MRM2: variants seen among roughly 807,000 people sequenced by gnomAD.
The protein encoded by MRM2 is mitochondrial rRNA methyltransferase 2.
In MRM2, 15 loss-of-function variants were observed where a neutral mutation model predicts 10.9. The observed-to-expected ratio is 1.37, with a 90% CI of 0.92 to 2.11. The LOEUF is 2.11. Among genes scored for constraint, MRM2 ranks in the 30% most tolerant of loss-of-function variants. The pLI is 0.00. For missense variants in MRM2, 328 were observed against 321.3 expected (o/e 1.02, Z -0.16); for synonymous variants, 139 against 128.7 (o/e 1.08, Z -0.54).
At position 2,240,078 on chromosome 7, in the gene MRM2, C is replaced by T. The variant is rs184117124; in HGVS notation, c.9-371G>A. ...TCTCTACTAAAATGCAAAAATTAGC[C>T]TGGCGTGGTGGCAGATGCCTATAAA... On this transcript the variant is annotated intron_variant, in intron 1 of 2. Transcript: ENST00000242257. Among the ~76,000 whole-genome samples the T allele has an allele frequency of 7.9e-5, 12 of 152,198 alleles. 1 individual carries two copies. Among genetic ancestry groups the T allele is most frequent in the African/African-American group, 2.2e-4 (9 of 41,552 alleles).
At position 2,235,532 on chromosome 7, in the gene MRM2, C is replaced by T; in HGVS notation, c.331G>A (p.Val111Ile). ...AGGGGGAATATGTGAAGAAGATCTA[C>T]CCCAAGCACGAAGCCAACAGGAGAG... Reference protein sequence around the residue: ...PSSPVGFVLGVDLLHIFPLEG... With the variant: ...PSSPVGFVLGIDLLHIFPLEG... The change falls in exon 3 of 3, where the codon GTA (valine) becomes ATA (isoleucine). Residue 111 changes from valine to isoleucine, a missense_variant. By Grantham distance (29) the Val-to-Ile change is conservative. Coordinates refer to ENST00000242257, the MANE Select transcript of MRM2 (RefSeq NM_013393.3). The T allele has an allele frequency of 1.2e-6, 2 of 1,612,708 alleles. No individual in the cohort carries two copies. The highest frequency in any genetic ancestry group is 1.7e-6 in the Non-Finnish European group (2 of 1,179,292).
intron 1 of MRM2, chr7:2,241,895 C>A (rs1794551635): frequency 6.9e-6 from 3 of 434,030 alleles, no homozygotes; most frequent in South Asian, 8.9e-5. Flanking sequence ...TGGATCTGGG[C>A]CCCGGCGCTG....
chr7:2,238,946 G>GA lies in MRM2; in HGVS notation c.298+471_298+472insT, dbSNP rs538097093. On this transcript the variant is annotated intron_variant, in intron 2 of 2. Transcript: ENST00000242257. ...CAAGAGTGAGACTCCATCTGGAGGG[G>GA]GGGGAAGAACAAAAATAATAACAAT... 122 of 192,464 alleles carry GA rather than the reference G, an allele frequency of 6.3e-4. 5 individuals are homozygous for GA. The South Asian group carries it at 0.012, about 19-fold the overall frequency. The allele number at this position is 192,464 out of a possible 1,614,324, so 11.9% of individuals were successfully genotyped here.
At chr7:2,237,027 TTG>T (rs368118478) in intron 2 of MRM2, among the ~76,000 whole-genome samples, 4 of 151,782 alleles carry the variant, frequency 2.6e-5, no homozygotes, top group African/African-American at 9.7e-5. Context: ...TTGTGTGTCT[TTG>T]TGTGTGTGTG....
intron 2 of MRM2, among the ~76,000 whole-genome samples, chr7:2,236,659 C>T (rs1472265877): frequency 1.3e-5 from 2 of 152,222 alleles, no homozygotes; most frequent in South Asian, 2.1e-4. Flanking sequence ...CTTCAAAATA[C>T]CTGGACTTCC....
In MRM2 at chr7:2,239,552, C is replaced by A. The variant is rs376300149; in HGVS notation, c.164G>T (p.Arg55Leu). 21 of 1,613,910 alleles carry A rather than the reference C, an allele frequency of 1.3e-5. No individual in the cohort carries two copies. The African/African-American group carries it at 2.8e-4, about 22-fold the overall frequency. Residue 55 changes from arginine (R) to leucine (L), a missense_variant, in exon 2 of 3, where the codon CGA (arginine) becomes CTA (leucine). Arg to Leu is a moderately radical substitution (Grantham distance 102). Transcript: ENST00000242257. ...CACCTCCAGGAGCTTGAAGGCGCTT[C>A]GACACCGGTAACTCTCCACCTTCGC... Reference protein sequence around the residue: ...KAAKVESYRCRSAFKLLEVNE... With the variant: ...KAAKVESYRCLSAFKLLEVNE...
intron 1 of MRM2, chr7:2,240,227 A>G: frequency 2.2e-6 from 1 of 453,008 alleles, no homozygotes; most frequent in Non-Finnish European, 4.4e-6. Context: ...GTCTCAAACA[A>G]TAACTAAATA....
chr7:2,236,131 A>G (rs1273567208), intron 2 of MRM2, among the ~76,000 whole-genome samples: 1 of 152,106 alleles, frequency 6.6e-6, no homozygotes, highest in African/African-American at 2.4e-5. Flanking sequence ...TCGGGAGGCT[A>G]AGATAGGAGA....
chr7:2,235,350 G>C lies in MRM2; in HGVS notation c.513C>G (p.Ile171Met), dbSNP rs1203752162. 1.2e-6 allele frequency: 2 copies of C among 1,613,522 alleles called. No homozygotes were observed. Among genetic ancestry groups the C allele is most frequent in the Admixed American group, 1.7e-5 (1 of 60,018 alleles). ...CGCTGAGAAGGGTCAGGCACAGGCTGATGAGCCTGTCATGATCGAGGTCCC... is the reference window on the plus strand; with the variant it reads ...CGCTGAGAAGGGTCAGGCACAGGCTCATGAGCCTGTCATGATCGAGGTCCC... ...GFRDLDHDRL[I>M]SLCLTLLSVT... is the part of the protein sequence containing the mutation. Residue 171 changes from isoleucine to methionine, a missense_variant, in exon 3 of 3, where the codon ATC becomes ATG. Coordinates refer to ENST00000242257, the MANE Select transcript of MRM2 (RefSeq NM_013393.3).
chr7:2,235,601 C>G (rs1346502850), intron 2 of MRM2, 37 bp from the exon 3 acceptor site: 1 of 1,403,980 alleles, frequency 7.1e-7, no homozygotes. Flanking sequence ...TTTATTTACA[C>G]CCTGAATCTT....
chr7:2,237,432 C>T (rs1193009730), intron 2 of MRM2, among the ~76,000 whole-genome samples: 1 of 152,170 alleles, frequency 6.6e-6, no homozygotes, highest in Admixed American at 6.5e-5. Context: ...CCAGGCAGAT[C>T]ACGCTCACGC....
At chr7:2,235,647 A>C in intron 2 of MRM2, 83 bp from the exon 3 acceptor site, 2 of 962,834 alleles carry the variant, frequency 2.1e-6, no homozygotes, top group Non-Finnish European at 3.1e-6. Flanking sequence ...AAAGTGATGA[A>C]ATAAAAATAA....
chr7:2,235,627 T>A, intron 2 of MRM2, 63 bp from the exon 3 acceptor site: 1 of 1,115,996 alleles, frequency 9.0e-7, no homozygotes, highest in Non-Finnish European at 1.3e-6. Flanking sequence ...AAAAATACAG[T>A]ACATGCAACA....
rs745963634 is a variant in MRM2, at chr7:2,235,507, A to G, written c.356T>C (p.Leu119Pro). Residue 119 changes from leucine (L) to proline (P), a missense_variant, in exon 3 of 3, where the codon CTG (leucine) becomes CCG (proline). Coordinates refer to ENST00000242257, the MANE Select transcript of MRM2 (RefSeq NM_013393.3). ...LGVDLLHIFPLEGATFLCPAD... is the reference protein window; with the variant it reads ...LGVDLLHIFPPEGATFLCPAD... ...AGGGCACAGAAAAGTTGCTCCTTCC[A>G]GGGGGAATATGTGAAGAAGATCTAC... 5 of 1,613,822 alleles carry G rather than the reference A, an allele frequency of 3.1e-6. No homozygotes were observed. In the African/African-American group the frequency reaches 5.3e-5, roughly 17 times the overall value.
At chr7:2,236,402 A>C (rs531888257) in intron 2 of MRM2, among the ~76,000 whole-genome samples, 1 of 152,000 alleles carries the variant, frequency 6.6e-6, no homozygotes, top group African/African-American at 2.4e-5. Context: ...ACAAAAACTG[A>C]TATCGGCTAG....
At chr7:2,242,068 G>T in intron 1 of MRM2, 94 bp downstream of exon 1, 1 of 1,352,436 alleles carries the variant, frequency 7.4e-7, no homozygotes, top group Non-Finnish European at 1.0e-6. Flanking sequence ...CCAGCGCTCG[G>T]CACCCAGCCC....
chr7:2,242,064 C>G (rs1794558110), intron 1 of MRM2, 98 bp downstream of exon 1: 1 of 1,333,778 alleles, frequency 7.5e-7, no homozygotes, highest in Non-Finnish European at 1.0e-6. Flanking sequence ...GTGCCCAGCG[C>G]TCGGCACCCA....
chr7:2,239,023 AT>A (rs1554258997), intron 2 of MRM2: 789 of 18,884 alleles, frequency 0.042, 35 homozygotes, highest in African/African-American at 0.08. Context: ...ATATATATAT[AT>A]ATATAATACA....
chr7:2,241,999 A>C, intron 1 of MRM2, 163 bp downstream of exon 1: 25 of 683,758 alleles, frequency 3.7e-5, no homozygotes, highest in Non-Finnish European at 4.5e-5. Context: ...CTCCCGGGGA[A>C]CTGCGACCCG....
Sources: gnomAD v4.1 joint callset for allele counts (sites outside exome capture counted in the v4.1 genomes callset) on GRCh38, gnomAD v4.1.1 for gene constraint, MANE v1.5 for transcripts, NCBI Gene and HGNC (gene_info 2026-07-23, HGNC 2026-07-21) for gene names.